The following EBAG9 variants were observed in gnomAD, a reference collection of about 807,000 sequenced individuals.
EBAG9 encodes the protein receptor-binding cancer antigen expressed on SiSo cells.
In EBAG9, 16 loss-of-function variants were observed where a neutral mutation model predicts 30.9. That is an observed-to-expected ratio of 0.52 (90% CI 0.35 to 0.79). The LOEUF is 0.79. EBAG9 is among the 30% of genes least tolerant of loss of function. The pLI, the probability that EBAG9 is intolerant of heterozygous loss-of-function variation, is 0.01. For synonymous variants in EBAG9, 93 were observed against 82.8 expected, an observed-to-expected ratio of 1.12 and a Z score of -0.67; for missense variants, 197 against 242.1, an observed-to-expected ratio of 0.81 and a Z score of 1.24.
rs1563654568 is a variant in EBAG9 at position 109,550,943 on chromosome 8, C to T, written c.83+36C>T. On this transcript the variant is annotated intron_variant, in intron 2 of 6. Coordinates refer to ENST00000337573, the MANE Select transcript of EBAG9 (RefSeq NM_004215.5). Reference sequence around the variant, plus strand: ...TTTATGTTCAAACTAACCTGTTTATCTCCTCGCTGGTTTTGGATACCTTCA... The same window carrying T: ...TTTATGTTCAAACTAACCTGTTTATTTCCTCGCTGGTTTTGGATACCTTCA... 5 of 1,405,140 alleles carry T rather than the reference C, an allele frequency of 3.6e-6. No individual in the cohort carries two copies. In the African/African-American group the frequency reaches 5.7e-5, roughly 16 times the overall value. The allele number at this position is 1,405,140 out of a possible 1,614,324, so 87.0% of individuals were successfully genotyped here.
At chr8:109,551,896 TA>T (rs1452419184) in intron 2 of EBAG9, among the ~76,000 whole-genome samples, 1 of 152,184 alleles carries the variant, frequency 6.6e-6, no homozygotes, top group African/African-American at 2.4e-5. Flanking sequence ...ACTTTTTCTT[TA>T]AATGTGTATT....
chr8:109,561,328 C>T (rs1164956213), intron 6 of EBAG9, among the ~76,000 whole-genome samples: 1 of 151,744 alleles, frequency 6.6e-6, no homozygotes, highest in Middle Eastern at 3.2e-3. Flanking sequence ...TAGCATAGTG[C>T]CCAGTACTGC....
At chr8:109,560,213 G>A (rs1234274054) in intron 5 of EBAG9, among the ~76,000 whole-genome samples, 2 of 152,158 alleles carry the variant, frequency 1.3e-5, no homozygotes, top group Non-Finnish European at 2.9e-5. Flanking sequence ...GGAAATAGAG[G>A]TAGGGACCAG....
intron 1 of EBAG9, among the ~76,000 whole-genome samples, chr8:109,548,878 T>C (rs1821437028): frequency 6.8e-6 from 1 of 147,504 alleles, no homozygotes; most frequent in African/African-American, 2.6e-5. Context: ...TTCTATTTTT[T>C]TCTTTTTTCT....
chr8:109,560,342 A>G (rs1821685640), intron 5 of EBAG9, among the ~76,000 whole-genome samples: 1 of 152,208 alleles, frequency 6.6e-6, no homozygotes, highest in Non-Finnish European at 1.5e-5. Flanking sequence ...AAGTGCCAAT[A>G]AAAAATCTCC....
At position 109,556,914 on chromosome 8, in the gene EBAG9, CT is replaced by C; in HGVS notation, c.322-16del. 7.0e-7 allele frequency: 1 copy of C among 1,418,762 alleles called. No homozygotes were observed. Among genetic ancestry groups the C allele is most frequent in the Non-Finnish European group, 9.7e-7 (1 of 1,035,734 alleles). 87.9% of individuals were successfully genotyped at this position (1,418,762 alleles called of 1,614,324 possible). Reference sequence around the variant, plus strand: ...TGATTTGTAAAAGATCCCTATAATTCTTTTTCAATTAATCTTTCAGATTGTT... The same window carrying C: ...TGATTTGTAAAAGATCCCTATAATTCTTTTCAATTAATCTTTCAGATTGTT... On this transcript the variant is annotated intron_variant, in intron 4 of 6. Transcript: ENST00000337573.
chr8:109,558,180 C>T (rs1395439995), intron 5 of EBAG9, among the ~76,000 whole-genome samples: 1 of 152,010 alleles, frequency 6.6e-6, no homozygotes, highest in East Asian at 1.9e-4. Context: ...TTCTGAGGTC[C>T]CTCTTCCCAG....
rs1416808735 is a variant in EBAG9, at chr8:109,564,563, A to G, written c.*4A>G. On this transcript the variant is annotated 3_prime_UTR_variant, in exon 7 of 7. Coordinates refer to ENST00000337573, the MANE Select transcript of EBAG9 (RefSeq NM_004215.5). ...AATTGGTGTGAAACTTTCATAACAC[A>G]TGTTCAAATTTTATCATGCCAGTAG... 2 of 1,611,406 alleles carry G rather than the reference A, an allele frequency of 1.2e-6. No homozygotes were observed. The highest frequency in any genetic ancestry group is 8.5e-7 in the Non-Finnish European group (1 of 1,178,228).
intron 1 of EBAG9, among the ~76,000 whole-genome samples, chr8:109,546,780 C>T (rs1821393799): frequency 1.3e-5 from 2 of 152,124 alleles, no homozygotes; most frequent in South Asian, 4.1e-4. Context: ...TGGAATCATA[C>T]AGTGTATATT....
intron 4 of EBAG9, among the ~76,000 whole-genome samples, chr8:109,556,616 G>A (rs1002226930): frequency 6.6e-6 from 1 of 152,032 alleles, no homozygotes; most frequent in African/African-American, 2.4e-5. Context: ...AATACTATTG[G>A]CAGGATATGA....
rs1821774329 is a variant in EBAG9, at chr8:109,564,426, T to C, written c.522-13T>C. On this transcript the variant is annotated splice_polypyrimidine_tract_variant and intron_variant, in intron 6 of 6. Coordinates refer to ENST00000337573, the MANE Select transcript of EBAG9 (RefSeq NM_004215.5). ...TTGGTATTTTCTAAAAGTAAAAGTA[T>C]GTTTCTTTTCAGACAGCAGAAACTA... The C allele has an allele frequency of 3.1e-6, 5 of 1,609,690 alleles. No homozygotes were observed. Among genetic ancestry groups the C allele is most frequent in the African/African-American group, 1.3e-5 (1 of 74,690 alleles).
At position 109,560,923 on chromosome 8, in the gene EBAG9, T is replaced by G; in HGVS notation, c.515T>G (p.Val172Gly). 1 of 1,611,880 alleles carries G rather than the reference T, an allele frequency of 6.2e-7. No individual in the cohort carries two copies. The highest frequency in any genetic ancestry group is 1.1e-5 in the South Asian group (1 of 90,886). Reference sequence around the variant, plus strand: ...GATGCAGCCTGGCAAGCAGAAGAAGTTCTGAGGTATTTGAGTGGCATTTAT... The same window carrying G: ...GATGCAGCCTGGCAAGCAGAAGAAGGTCTGAGGTATTTGAGTGGCATTTAT... ...EEDAAWQAEE[V>G]LRQQKLADRE... The change falls in exon 6 of 7, where the codon GTT becomes GGT. Residue 172 changes from valine to glycine, a missense_variant. Val to Gly is a moderately radical substitution (Grantham distance 109). Transcript: ENST00000337573.
chr8:109,547,741 A>G (rs758362584), intron 1 of EBAG9, among the ~76,000 whole-genome samples: 3 of 152,048 alleles, frequency 2.0e-5, no homozygotes, highest in African/African-American at 4.8e-5. Context: ...CGGCCTCCCA[A>G]AGTGCTGGGA....
chr8:109,556,878 T>A, intron 4 of EBAG9, 57 bp from the exon 5 acceptor site: 1 of 899,404 alleles, frequency 1.1e-6, no homozygotes, highest in African/African-American at 1.7e-5. Flanking sequence ...TGGTTGTCTA[T>A]TTTTATGTAG....
intron 1 of EBAG9, among the ~76,000 whole-genome samples, chr8:109,548,569 A>G (rs761018592): frequency 6.6e-5 from 10 of 152,142 alleles, no homozygotes; most frequent in South Asian, 2.1e-4. Context: ...TCTATAACTC[A>G]TTTTGGGAAA....
intron 6 of EBAG9, among the ~76,000 whole-genome samples, chr8:109,564,169 G>T (rs1821768314): frequency 6.6e-6 from 1 of 152,054 alleles, no homozygotes; most frequent in Non-Finnish European, 1.5e-5. Flanking sequence ...TTAATCCTAT[G>T]ACTTCGGGCA....
At chr8:109,547,417 T>G (rs1821406334) in intron 1 of EBAG9, among the ~76,000 whole-genome samples, 1 of 152,162 alleles carries the variant, frequency 6.6e-6, no homozygotes, top group African/African-American at 2.4e-5. Flanking sequence ...TGGCTTTAAT[T>G]TGCATTTTTC....
chr8:109,556,905 C>A, intron 4 of EBAG9, 30 bp from the exon 5 acceptor site: 2 of 1,210,828 alleles, frequency 1.7e-6, no homozygotes, highest in South Asian at 1.7e-5. Context: ...GTAAAAGATC[C>A]CTATAATTCT....
At chr8:109,554,969 A>T (rs973431933) in intron 4 of EBAG9, 82 bp downstream of exon 4, 1 of 1,348,618 alleles carries the variant, frequency 7.4e-7, no homozygotes, top group Non-Finnish European at 1.0e-6. Context: ...ATTCACATTT[A>T]TTAGAAAGCC....
Sources: gnomAD v4.1 joint callset for allele counts (sites outside exome capture counted in the v4.1 genomes callset) on GRCh38, gnomAD v4.1.1 for gene constraint, MANE v1.5 for transcripts, NCBI Gene and HGNC (gene_info 2026-07-23, HGNC 2026-07-21) for gene names.